IGF2BP3: variants seen among roughly 807,000 people sequenced by gnomAD.
IGF2BP3 encodes insulin like growth factor 2 mRNA binding protein 3, also known as insulin-like growth factor 2 mRNA-binding protein 3.
IGF2BP3 carries 9 observed loss-of-function variants against 73.8 expected under a neutral mutation model. That is an observed-to-expected ratio of 0.12 (90% confidence interval 0.07 to 0.21). The LOEUF is 0.21. Among genes scored for constraint, IGF2BP3 ranks in the 10% least tolerant of loss-of-function variants. The pLI is 1.00. For missense variants in IGF2BP3, 542 were observed against 714.0 expected, an observed-to-expected ratio of 0.76 and a Z score of 2.75; for synonymous variants, 258 against 256.7, an observed-to-expected ratio of 1.01 and a Z score of -0.05.
chr7:23,388,949 A>C (rs1786179558), intron 3 of IGF2BP3, among the ~76,000 whole-genome samples: 1 of 152,168 alleles, frequency 6.6e-6, no homozygotes, highest in Non-Finnish European at 1.5e-5. Context: ...ACCACTACTC[A>C]GCTATGAAAG....
chr7:23,406,231 T>G (rs1227536856), intron 3 of IGF2BP3, among the ~76,000 whole-genome samples: 1 of 152,186 alleles, frequency 6.6e-6, no homozygotes, highest in Non-Finnish European at 1.5e-5. Context: ...TGCCTCTCGT[T>G]AGCCCTGGAC....
chr7:23,340,150 T>C (rs1784672436), intron 10 of IGF2BP3, among the ~76,000 whole-genome samples: 1 of 152,164 alleles, frequency 6.6e-6, no homozygotes, highest in East Asian at 1.9e-4. Flanking sequence ...CAGGGTTCTT[T>C]CTACCAGTCC....
intron 2 of IGF2BP3, among the ~76,000 whole-genome samples, chr7:23,431,454 G>C (rs1010799179): frequency 1.3e-5 from 2 of 152,100 alleles, no homozygotes; most frequent in African/African-American, 4.8e-5. Flanking sequence ...ATCTGTAAAA[G>C]TGGAAAGGAG....
At chr7:23,426,320 CA>C (rs1195063330) in intron 2 of IGF2BP3, among the ~76,000 whole-genome samples, 962 of 46,126 alleles carry the variant, frequency 0.021, 8 homozygotes, top group African/African-American at 0.041. Context: ...AATTCTGTCT[CA>C]AAAAAAAAAA....
intron 2 of IGF2BP3, among the ~76,000 whole-genome samples, chr7:23,456,317 A>G (rs1268445572): frequency 1.3e-5 from 2 of 151,848 alleles, no homozygotes; most frequent in Non-Finnish European, 2.9e-5. Context: ...TCTCTTAACT[A>G]GATTCTCTCA....
rs778889037 is a variant in IGF2BP3, at chr7:23,319,244, G to A, written c.1214C>T (p.Thr405Met). ...TGGGATAAACAGATGAACAGTCTCC[G>A]TTTCTGATTGCTGTTAGAAAAGAAA... Reference protein sequence around the residue: ...PPYPQFEQSETETVHLFIPAL... With the variant: ...PPYPQFEQSEMETVHLFIPAL... The change falls in exon 11 of 15, where the codon ACG becomes ATG. Residue 405 changes from threonine (T) to methionine (M), a missense_variant. Coordinates refer to ENST00000258729, the MANE Select transcript of IGF2BP3 (RefSeq NM_006547.3). 33 of 1,603,212 alleles carry A rather than the reference G, an allele frequency of 2.1e-5. 1 individual carries two copies. In the East Asian group the frequency reaches 2.2e-4, roughly 11 times the overall value.
intron 8 of IGF2BP3, among the ~76,000 whole-genome samples, 194 bp downstream of exon 8, chr7:23,345,746 C>T (rs1386167288): frequency 6.6e-6 from 1 of 152,188 alleles, no homozygotes; most frequent in Admixed American, 6.5e-5. Context: ...TTGGTTCCTC[C>T]TGCCAGAAGC....
At position 23,470,112 on chromosome 7, in the gene IGF2BP3, G is replaced by T; in HGVS notation, c.-2C>A. 3 of 1,592,828 alleles carry T rather than the reference G, an allele frequency of 1.9e-6. No homozygotes were observed. Among genetic ancestry groups the T allele is most frequent in the Non-Finnish European group, 2.6e-6 (3 of 1,172,076 alleles). On this transcript the variant is annotated 5_prime_UTR_variant, in exon 1 of 15. Transcript: ENST00000258729. ...GTTTCCGATATACAGTTTGTTCATT[G>T]TGAAGAGTGGTTGTTTAAAAAAAAA...
At chr7:23,321,431 G>A (rs1166434281) in intron 10 of IGF2BP3, among the ~76,000 whole-genome samples, 1 of 152,214 alleles carries the variant, frequency 6.6e-6, no homozygotes, top group Non-Finnish European at 1.5e-5. Context: ...TACGCCCACG[G>A]AGTCTCGCTG....
chr7:23,355,737 A>G (rs1236455782), intron 5 of IGF2BP3, among the ~76,000 whole-genome samples: 1 of 152,168 alleles, frequency 6.6e-6, no homozygotes, highest in Non-Finnish European at 1.5e-5. Flanking sequence ...GTTCAAGACC[A>G]GCTTGGACAA....
At chr7:23,422,484 G>GT (rs571926252) in intron 2 of IGF2BP3, among the ~76,000 whole-genome samples, 88 of 152,244 alleles carry the variant, frequency 5.8e-4, no homozygotes, top group African/African-American at 2.0e-3. Flanking sequence ...GAGCCCAGGA[G>GT]TTTAAAGTTT....
Position 23,470,307 on chromosome 7 carries a change from G to T in IGF2BP3, c.-197C>A, listed in dbSNP as rs1788686964. ...GCTTGTTTTTTCCTTGTCTAGATGTGTTTTAAAAGAGAAAGAAAAGAAAAA... is the reference window on the plus strand; with the variant it reads ...GCTTGTTTTTTCCTTGTCTAGATGTTTTTTAAAAGAGAAAGAAAAGAAAAA... On this transcript the variant is annotated 5_prime_UTR_variant, in exon 1 of 15. Coordinates refer to ENST00000258729, the MANE Select transcript of IGF2BP3 (RefSeq NM_006547.3). 2.4e-6 allele frequency: 1 copy of T among 419,096 alleles called. No homozygotes were observed. The highest frequency in any genetic ancestry group is 2.0e-5 in the African/African-American group (1 of 48,944). 26.0% of individuals were successfully genotyped at this position (419,096 alleles called of 1,614,324 possible). A position where few individuals can be genotyped will look rare whatever the true frequency, so the allele number is the denominator to read the frequency against.
intron 12 of IGF2BP3, 91 bp from the exon 13 acceptor site, chr7:23,313,744 T>A (rs767711582): frequency 2.8e-5 from 36 of 1,287,798 alleles, no homozygotes; most frequent in Non-Finnish European, 3.7e-5. Context: ...CCAAGTGGGA[T>A]AGCCCTTTGC....
At chr7:23,322,070 C>T (rs983663922) in intron 10 of IGF2BP3, among the ~76,000 whole-genome samples, 25 of 152,274 alleles carry the variant, frequency 1.6e-4, no homozygotes, top group Non-Finnish European at 2.2e-4. Flanking sequence ...CAAAGCTGGA[C>T]GGAGAGTGAC....
chr7:23,450,900 T>G (rs755631856), intron 2 of IGF2BP3, among the ~76,000 whole-genome samples: 10 of 152,244 alleles, frequency 6.6e-5, no homozygotes, highest in Non-Finnish European at 1.3e-4. Context: ...AGGAATTTTT[T>G]TTTAACTACC....
chr7:23,437,114 G>A (rs982321697), intron 2 of IGF2BP3, among the ~76,000 whole-genome samples: 1 of 151,534 alleles, frequency 6.6e-6, no homozygotes, highest in African/African-American at 2.4e-5. Context: ...GTCAGACCCT[G>A]TCTCAAAAAA....
At chr7:23,320,839 T>G (rs1784117736) in intron 10 of IGF2BP3, among the ~76,000 whole-genome samples, 2 of 148,214 alleles carry the variant, frequency 1.3e-5, no homozygotes, top group African/African-American at 5.0e-5. Flanking sequence ...TCCCAGATAC[T>G]CAGGGGAGGC....
chr7:23,465,531 C>CCCA (rs1554338691), intron 2 of IGF2BP3, among the ~76,000 whole-genome samples: 1 of 148,304 alleles, frequency 6.7e-6, no homozygotes. Context: ...GGTCCCCCCC[C>CCCA]AAGCTCCACT....
chr7:23,342,837 G>C (rs1350242316), intron 9 of IGF2BP3, among the ~76,000 whole-genome samples: 1 of 152,220 alleles, frequency 6.6e-6, no homozygotes, highest in Non-Finnish European at 1.5e-5. Context: ...AAGGGGGTTA[G>C]ATTTAATCCC....
Sources: gnomAD v4.1 joint callset for allele counts (sites outside exome capture counted in the v4.1 genomes callset) on GRCh38, gnomAD v4.1.1 for gene constraint, MANE v1.5 for transcripts, NCBI Gene and HGNC (gene_info 2026-07-23, HGNC 2026-07-21) for gene names.